The following UPP2 variants were observed in gnomAD, a reference collection of about 807,000 sequenced individuals.
The protein encoded by UPP2 is uridine phosphorylase 2, also known as UPase 2.
UPP2 carries 23 observed loss-of-function variants against 26.7 expected under a neutral mutation model. The observed-to-expected ratio is 0.86, with a 90% CI of 0.62 to 1.22. The LOEUF (loss-of-function observed/expected upper bound fraction) is 1.22, where lower values mean the gene tolerates loss of function less well. Ranked by LOEUF, UPP2 falls within the 50% of genes most tolerant of loss-of-function variation. UPP2 has a pLI of 0.00. For missense variants in UPP2, 387 were observed against 396.7 expected (o/e 0.98, Z 0.21); for synonymous variants, 127 against 141.3 (o/e 0.90, Z 0.72).
intron 2 of UPP2, among the ~76,000 whole-genome samples, chr2:158,009,511 T>C (rs1360886129): frequency 6.6e-6 from 1 of 152,088 alleles, no homozygotes; most frequent in Non-Finnish European, 1.5e-5. Context: ...TTACTGGGAG[T>C]CTGTGTGCAG....
At chr2:158,122,703 T>C (rs559499660) in intron 5 of UPP2, among the ~76,000 whole-genome samples, 1 of 152,294 alleles carries the variant, frequency 6.6e-6, no homozygotes, top group Non-Finnish European at 1.5e-5. Context: ...ATAACTAGCA[T>C]TTAAAAATGT....
intron 3 of UPP2, among the ~76,000 whole-genome samples, chr2:158,040,311 A>T (rs190770252): frequency 2.0e-5 from 3 of 152,330 alleles, no homozygotes; most frequent in Admixed American, 2.0e-4. Flanking sequence ...TGTTTGTATC[A>T]ACTGATGAGT....
chr2:158,063,961 G>A lies in UPP2; in HGVS notation c.148-38079G>A, dbSNP rs113321342. Among the ~76,000 whole-genome samples the A allele has an allele frequency of 3.9e-3, 600 of 152,292 alleles. 3 individuals carry two copies. Among genetic ancestry groups the A allele is most frequent in the African/African-American group, 0.013 (553 of 41,554 alleles). On this transcript the variant is annotated intron_variant, in intron 3 of 9. Coordinates refer to the UPP2 transcript ENST00000605860. Reference sequence around the variant, plus strand: ...GTATGGCTGCATAGTATTCCATGGTGTATATGTGCCAATTTTCTTTATCCA... The same window carrying A: ...GTATGGCTGCATAGTATTCCATGGTATATATGTGCCAATTTTCTTTATCCA...
chr2:158,036,306 C>G (rs1683998682), intron 3 of UPP2, among the ~76,000 whole-genome samples: 1 of 152,072 alleles, frequency 6.6e-6, no homozygotes, highest in Non-Finnish European at 1.5e-5. Context: ...AGTCTTTTCA[C>G]TTGAACCTGA....
At chr2:158,074,834 T>A (rs933276252) in intron 3 of UPP2, among the ~76,000 whole-genome samples, 1 of 151,534 alleles carries the variant, frequency 6.6e-6, no homozygotes, top group Non-Finnish European at 1.5e-5. Flanking sequence ...AGAGAATTTT[T>A]TTTTTTTTTT....
At chr2:158,071,741 C>T (rs1182537643) in intron 3 of UPP2, among the ~76,000 whole-genome samples, 1 of 152,022 alleles carries the variant, frequency 6.6e-6, no homozygotes, top group Admixed American at 6.6e-5. Context: ...AGGGAACCCA[C>T]TGCCTTGAGA....
At chr2:158,058,280 G>A (rs1215397920) in intron 3 of UPP2, among the ~76,000 whole-genome samples, 7 of 140,836 alleles carry the variant, frequency 5.0e-5, no homozygotes, top group Admixed American at 2.2e-4. Flanking sequence ...GCGACAGAGC[G>A]AGACTCCGTC....
chr2:158,047,610 C>T (rs952420797), intron 3 of UPP2, among the ~76,000 whole-genome samples: 4 of 152,162 alleles, frequency 2.6e-5, no homozygotes, highest in Non-Finnish European at 5.9e-5. Flanking sequence ...AGCACCACTC[C>T]TTAGTGTCAT....
At chr2:158,087,657 C>G (rs1308597433) in intron 3 of UPP2, among the ~76,000 whole-genome samples, 1 of 152,114 alleles carries the variant, frequency 6.6e-6, no homozygotes, top group Non-Finnish European at 1.5e-5. Flanking sequence ...AGATTTAGAG[C>G]TCCTTTTAGC....
In UPP2 at chr2:158,021,774, C is replaced by G. The variant is rs371109726; in HGVS notation, c.147+5888C>G. Among the ~76,000 whole-genome samples, 116 of 152,304 alleles carry G rather than the reference C, an allele frequency of 7.6e-4. 5 individuals carry two copies. In the South Asian group the frequency reaches 0.019, roughly 25 times the overall value. On this transcript the variant is annotated intron_variant, in intron 3 of 9. Transcript: ENST00000605860. ...GAGAGAGCTAGTATTATACTATCAT[C>G]ATAGACAGGCTCTACATGGGGAGAC...
chr2:158,039,579 G>A (rs999669436), intron 3 of UPP2, among the ~76,000 whole-genome samples: 8 of 152,166 alleles, frequency 5.3e-5, no homozygotes, highest in Admixed American at 3.3e-4. Flanking sequence ...GGCCATTGCC[G>A]AGAGTCAAGC....
chr2:158,118,393 T>C (rs980260514), intron 4 of UPP2, among the ~76,000 whole-genome samples: 5 of 151,966 alleles, frequency 3.3e-5, no homozygotes, highest in Non-Finnish European at 2.9e-5. Flanking sequence ...CTACGTCACC[T>C]CTACTGGCTG....
chr2:158,020,598 A>T (rs1683734086), intron 3 of UPP2, among the ~76,000 whole-genome samples: 2 of 152,344 alleles, frequency 1.3e-5, no homozygotes, highest in South Asian at 4.1e-4. Context: ...TGCAACATGG[A>T]ATGACACCCA....
chr2:158,013,010 T>C (rs1683604442), intron 2 of UPP2, among the ~76,000 whole-genome samples: 1 of 151,166 alleles, frequency 6.6e-6, no homozygotes, highest in Non-Finnish European at 1.5e-5. Context: ...ATTGTTATTA[T>C]TATTTTTTTT....
At chr2:158,110,917 C>G (rs1418400453) in intron 2 of UPP2, among the ~76,000 whole-genome samples, 1 of 152,094 alleles carries the variant, frequency 6.6e-6, no homozygotes, top group Non-Finnish European at 1.5e-5. Flanking sequence ...AGCCCTTTGT[C>G]AGATAAGTAG....
chr2:158,013,984 C>A (rs547700731), intron 2 of UPP2, among the ~76,000 whole-genome samples: 2 of 152,294 alleles, frequency 1.3e-5, no homozygotes, highest in South Asian at 4.1e-4. Flanking sequence ...GTGGCAGAAG[C>A]CTGCTTCTGC....
chr2:158,070,030 G>A (rs1558920915), intron 3 of UPP2, among the ~76,000 whole-genome samples: 1 of 152,078 alleles, frequency 6.6e-6, no homozygotes. Flanking sequence ...ACAAGGTCTG[G>A]ATCTCAACCT....
intron 3 of UPP2, among the ~76,000 whole-genome samples, chr2:158,016,361 A>G (rs969787006): frequency 1.3e-5 from 2 of 151,004 alleles, no homozygotes; most frequent in African/African-American, 4.9e-5. Flanking sequence ...TTTTTTTGAG[A>G]CAGAATTTCG....
At chr2:158,112,068 A>C (rs1042075162) in intron 2 of UPP2, among the ~76,000 whole-genome samples, 50 of 152,284 alleles carry the variant, frequency 3.3e-4, no homozygotes, top group Non-Finnish European at 1.3e-4. Context: ...TCCCCATTAA[A>C]ATTCCAGTTG....
Sources: gnomAD v4.1 joint callset for allele counts (sites outside exome capture counted in the v4.1 genomes callset) on GRCh38, gnomAD v4.1.1 for gene constraint, MANE v1.5 for transcripts, NCBI Gene and HGNC (gene_info 2026-07-23, HGNC 2026-07-21) for gene names.